Variants in TNFSF4 observed in about 807,000 individuals in gnomAD.
The protein encoded by TNFSF4 is TNF superfamily member 4.
Under a neutral mutation model 7.3 loss-of-function variants are expected in TNFSF4, and 4 were observed. The ratio of observed to expected loss-of-function variants is 0.55; its 90% confidence interval spans 0.27 to 1.25. The LOEUF (loss-of-function observed/expected upper bound fraction) is 1.25, where lower values mean the gene tolerates loss of function less well. Among genes scored for constraint, TNFSF4 ranks in the 50% most tolerant of loss-of-function variants. The pLI is 0.12. For missense variants in TNFSF4, 181 were observed against 208.8 expected, an observed-to-expected ratio of 0.87 and a Z score of 0.82; for synonymous variants, 76 against 83.7, an observed-to-expected ratio of 0.91 and a Z score of 0.50.
At chr1:173,205,070 C>A (rs1301063538) in intron 1 of TNFSF4, among the ~76,000 whole-genome samples, 2 of 152,068 alleles carry the variant, frequency 1.3e-5, no homozygotes, top group African/African-American at 2.4e-5. Flanking sequence ...AATGTAAGGA[C>A]CCATTGTGCT....
the TNFSF4 span, among the ~76,000 whole-genome samples, chr1:173,222,588 C>T: frequency 6.6e-6 from 1 of 152,172 alleles, no homozygotes; most frequent in Non-Finnish European, 1.5e-5. Context: ...ATAGGTGCAG[C>T]AGCCTCTTCC....
intron 1 of TNFSF4, among the ~76,000 whole-genome samples, chr1:173,197,782 G>A (rs775358219): frequency 2.6e-5 from 4 of 151,918 alleles, no homozygotes; most frequent in African/African-American, 9.7e-5. Flanking sequence ...CATGGCACAC[G>A]TTTACCTATG....
At chr1:173,378,370 C>T in the TNFSF4 span, among the ~76,000 whole-genome samples, 1 of 152,208 alleles carries the variant, frequency 6.6e-6, no homozygotes, top group Non-Finnish European at 1.5e-5. Flanking sequence ...GGTCCAGGGA[C>T]CGTTGTGGGT....
the TNFSF4 span, among the ~76,000 whole-genome samples, chr1:173,385,935 G>A: frequency 1.3e-5 from 2 of 152,210 alleles, no homozygotes; most frequent in Admixed American, 6.5e-5. Context: ...GAATGAAAAG[G>A]TGTATTAGGA....
the TNFSF4 span, among the ~76,000 whole-genome samples, chr1:173,308,267 T>TCTCTCTCTC: frequency 9.0e-5 from 12 of 132,892 alleles, no homozygotes; most frequent in African/African-American, 3.8e-4. Flanking sequence ...CTCTCTCTCT[T>TCTCTCTCTC]TCTCTCTCTC....
chr1:173,434,869 C>T, the TNFSF4 span, among the ~76,000 whole-genome samples: 23 of 152,152 alleles, frequency 1.5e-4, no homozygotes, highest in Admixed American at 1.4e-3. Context: ...GTGCTCTTGA[C>T]TGGGAGAGAA....
At chr1:173,210,729 G>A (rs186671805), upstream of TNFSF4, among the ~76,000 whole-genome samples, 2 of 152,220 alleles carry the variant, frequency 1.3e-5, no homozygotes, top group Non-Finnish European at 2.9e-5. Context: ...TAATTCTAGG[G>A]GGGGGAAAAG....
the TNFSF4 span, among the ~76,000 whole-genome samples, chr1:173,437,324 T>C: frequency 6.6e-6 from 1 of 152,240 alleles, no homozygotes; most frequent in Non-Finnish European, 1.5e-5. Flanking sequence ...AGACAAGGTC[T>C]CTCGGCTTTT....
the TNFSF4 span, chr1:173,352,042 T>A: frequency 5.6e-6 from 2 of 357,328 alleles, no homozygotes; most frequent in Non-Finnish European, 1.0e-5. Flanking sequence ...TGATTAAAAT[T>A]TGAAATGAAG....
chr1:173,178,613 A>G, the TNFSF4 span, among the ~76,000 whole-genome samples: 1 of 152,162 alleles, frequency 6.6e-6, no homozygotes, highest in Non-Finnish European at 1.5e-5. Flanking sequence ...TAAGTTGAAT[A>G]TCAGTTTTGC....
At chr1:173,359,452 T>TA in the TNFSF4 span, among the ~76,000 whole-genome samples, 2,979 of 48,816 alleles carry the variant, frequency 0.061, 93 homozygotes, top group African/African-American at 0.14. Context: ...GTTTTATATT[T>TA]AAAAAAAAAA....
the TNFSF4 span, among the ~76,000 whole-genome samples, chr1:173,308,329 G>A: frequency 6.7e-6 from 1 of 149,470 alleles, no homozygotes; most frequent in South Asian, 2.1e-4. Flanking sequence ...GTGTGTGTGT[G>A]TTTTATTGAG....
chr1:173,294,762 A>G, the TNFSF4 span, among the ~76,000 whole-genome samples: 1 of 152,060 alleles, frequency 6.6e-6, no homozygotes, highest in Non-Finnish European at 1.5e-5. Flanking sequence ...TTGGACTTTG[A>G]AAAGAACAAT....
the TNFSF4 span, among the ~76,000 whole-genome samples, chr1:173,300,259 A>AG: frequency 6.6e-6 from 1 of 151,804 alleles, no homozygotes; most frequent in Non-Finnish European, 1.5e-5. Context: ...AAGCAGCCCT[A>AG]GAGTCCTTCC....
At chr1:173,342,036 T>C in the TNFSF4 span, among the ~76,000 whole-genome samples, 6 of 152,130 alleles carry the variant, frequency 3.9e-5, no homozygotes, top group Non-Finnish European at 7.4e-5. Context: ...CTGCTAACTT[T>C]AGGGTGATCT....
At chr1:173,427,414 GC>G in the TNFSF4 span, among the ~76,000 whole-genome samples, 2 of 151,482 alleles carry the variant, frequency 1.3e-5, no homozygotes, top group Admixed American at 1.3e-4. Flanking sequence ...GGGAGAGCCC[GC>G]CCCCCCACTG....
intron 1 of TNFSF4, among the ~76,000 whole-genome samples, chr1:173,201,815 G>A: frequency 6.6e-6 from 1 of 152,124 alleles, no homozygotes; most frequent in East Asian, 1.9e-4. Context: ...GCATAGGATG[G>A]TAGAAAATTC....
At chr1:173,206,000 T>C (rs921857243) in intron 1 of TNFSF4, among the ~76,000 whole-genome samples, 1 of 152,220 alleles carries the variant, frequency 6.6e-6, no homozygotes, top group African/African-American at 2.4e-5. Context: ...CTATTTCCTG[T>C]AGGCAGAAAC....
chr1:173,266,415 A>G, the TNFSF4 span, among the ~76,000 whole-genome samples: 3 of 152,178 alleles, frequency 2.0e-5, no homozygotes, highest in Non-Finnish European at 4.4e-5. Flanking sequence ...GAGCACCTCA[A>G]AATAGGATGA....
Sources: allele counts gnomAD v4.1 joint callset (sites outside exome capture counted in the v4.1 genomes callset), GRCh38; gene constraint gnomAD v4.1.1; transcripts MANE v1.5; gene names NCBI Gene and HGNC (gene_info 2026-07-23, HGNC 2026-07-21).